Variants in CDON observed in about 807,000 individuals in gnomAD.
CDON encodes the protein cell adhesion molecule-related/down-regulated by oncogenes.
Under a neutral mutation model 120.9 loss-of-function variants are expected in CDON, and 73 were observed. The observed-to-expected ratio is 0.60, with a 90% CI of 0.50 to 0.73. The LOEUF (loss-of-function observed/expected upper bound fraction) is 0.73, where lower values mean the gene tolerates loss of function less well. Among genes scored for constraint, CDON ranks in the 30% least tolerant of loss-of-function variants. The probability of loss-of-function intolerance (pLI) is 0.00; values close to 1 mark genes in which losing one functional copy is unlikely to be tolerated. For missense variants in CDON, 1,470 were observed against 1,587.3 expected (o/e 0.93, Z 1.26); for synonymous variants, 566 against 573.5 (o/e 0.99, Z 0.19).
At chr11:126,039,263 A>C (rs1948188417) in intron 1 of CDON, among the ~76,000 whole-genome samples, 2 of 152,236 alleles carry the variant, frequency 1.3e-5, no homozygotes, top group South Asian at 4.1e-4. Context: ...TACTCAATGG[A>C]AACTATAGCA....
At position 125,978,370 on chromosome 11, in the gene CDON, T is replaced by A. The variant is rs1458978789; in HGVS notation, c.3290A>T (p.Tyr1097Phe). 4 of 1,605,154 alleles carry A rather than the reference T, an allele frequency of 2.5e-6. No individual in the cohort carries two copies. The highest frequency in any genetic ancestry group is 3.4e-6 in the Non-Finnish European group (4 of 1,173,920). Residue 1097 changes from tyrosine (Y) to phenylalanine (F), a missense_variant, in exon 18 of 20, where the codon TAC (tyrosine) becomes TTC (phenylalanine). Coordinates refer to ENST00000531738, the MANE Select transcript of CDON (RefSeq NM_001378964.1). ...PHHLVNGGGM[Y>F]TAVPQIDPLE... ...AGGGTCAATCTGAGGCACGGCCGTG[T>A]ACATTCCACCACCCTGGACAGGAAG...
At chr11:126,003,486 A>G (rs1446679680) in intron 10 of CDON, among the ~76,000 whole-genome samples, 1 of 152,218 alleles carries the variant, frequency 6.6e-6, no homozygotes, top group Non-Finnish European at 1.5e-5. Flanking sequence ...AGGCTATAAT[A>G]GGGTCGTTTA....
chr11:126,003,796 C>T (rs1464266454), intron 10 of CDON, 106 bp downstream of exon 10: 21 of 1,054,964 alleles, frequency 2.0e-5, no homozygotes, highest in Admixed American at 1.3e-4. Flanking sequence ...CTCCAGCCTG[C>T]GTGACAGAGC....
intron 10 of CDON, 38 bp from the exon 11 acceptor site, chr11:126,001,888 TA>T: frequency 6.8e-7 from 1 of 1,460,004 alleles, no homozygotes; most frequent in South Asian, 1.1e-5. Flanking sequence ...AACATAAGCA[TA>T]TATGTATGTA....
chr11:126,021,175 C>T, intron 3 of CDON, 73 bp downstream of exon 3: 1 of 1,501,396 alleles, frequency 6.7e-7, no homozygotes, highest in Non-Finnish European at 9.2e-7. Context: ...TGGTCTTTCC[C>T]CTCTTCAGAA....
chr11:125,974,138 C>T (rs1025872330), intron 18 of CDON, among the ~76,000 whole-genome samples: 2 of 151,520 alleles, frequency 1.3e-5, no homozygotes, highest in African/African-American at 2.4e-5. Flanking sequence ...TCAGGTGATC[C>T]GCCCGCCATA....
intron 1 of CDON, among the ~76,000 whole-genome samples, chr11:126,035,453 A>G (rs1388270429): frequency 1.3e-5 from 2 of 152,148 alleles, no homozygotes; most frequent in Admixed American, 6.5e-5. Context: ...AATGGAAGAA[A>G]TCTAGATTTC....
chr11:125,961,752 G>T lies in CDON; in HGVS notation c.3603C>A (p.Gly1201=), dbSNP rs763774382. Residue 1201 remains glycine (G), a synonymous_variant, in exon 19 of 20, where the codon GGC becomes GGA. Coordinates refer to ENST00000531738, the MANE Select transcript of CDON (RefSeq NM_001378964.1). ...TGCTGAACTCTGCTGGATCTTCTGAGCCATCAGAGCTGACGTCATTTACAA... is the reference window on the plus strand; with the variant it reads ...TGCTGAACTCTGCTGGATCTTCTGATCCATCAGAGCTGACGTCATTTACAA... ...QDIVNDVSSD[G]SEDPAEFSRG... is the part of the protein sequence containing the mutation. 1.2e-6 allele frequency: 2 copies of T among 1,614,026 alleles called. No homozygotes were observed. Among genetic ancestry groups the T allele is most frequent in the Non-Finnish European group, 1.7e-6 (2 of 1,179,896 alleles).
chr11:126,050,149 A>G (rs906430903), intron 1 of CDON, among the ~76,000 whole-genome samples: 3 of 151,838 alleles, frequency 2.0e-5, no homozygotes, highest in South Asian at 4.2e-4. Flanking sequence ...ATGCGCTTCA[A>G]TGTTTTCCAT....
At chr11:125,998,208 T>C (rs565955450) in intron 11 of CDON, among the ~76,000 whole-genome samples, 12 of 152,302 alleles carry the variant, frequency 7.9e-5, no homozygotes, top group Admixed American at 5.2e-4. Context: ...ATTGAAACCA[T>C]GTATCTAACT....
chr11:125,983,759 T>C, intron 16 of CDON, 113 bp downstream of exon 16: 1 of 799,220 alleles, frequency 1.3e-6, no homozygotes, highest in Non-Finnish European at 2.1e-6. Context: ...GTATCTAATG[T>C]GTTTCATACC....
At chr11:125,965,344 G>A (rs548346488) in intron 18 of CDON, among the ~76,000 whole-genome samples, 1 of 152,278 alleles carries the variant, frequency 6.6e-6, no homozygotes, top group East Asian at 1.9e-4. Flanking sequence ...GAGGAATTTT[G>A]TCTTAAATCT....
chr11:126,040,592 G>T (rs1016702833), intron 1 of CDON, among the ~76,000 whole-genome samples: 6 of 151,940 alleles, frequency 3.9e-5, no homozygotes, highest in African/African-American at 1.4e-4. Flanking sequence ...GAGGTGGGCG[G>T]ATCACAAGGT....
chr11:126,049,808 T>C (rs1455935112), intron 1 of CDON, among the ~76,000 whole-genome samples: 2 of 152,214 alleles, frequency 1.3e-5, no homozygotes, highest in Non-Finnish European at 2.9e-5. Flanking sequence ...AGGGGCACCA[T>C]GGAACAACAG....
Position 125,997,328 on chromosome 11 carries a change from C to T in CDON, c.2241G>A (p.Gly747=), listed in dbSNP as rs778433852. ...CTTTGAAGGCAGTGATTGGAGAACC[C>T]CCGTTTGCCCGAGGAATCCAAGTGA... ...VYVTWIPRAN[G]GSPITAFKVE... Residue 747 remains glycine, a synonymous_variant, in exon 12 of 20, where the codon GGG becomes GGA. Coordinates refer to ENST00000531738, the MANE Select transcript of CDON (RefSeq NM_001378964.1). The T allele has an allele frequency of 1.9e-6, 3 of 1,614,042 alleles. No homozygotes were observed. The Admixed American group carries it at 5.0e-5, about 27-fold the overall frequency.
chr11:125,989,570 T>C, intron 15 of CDON, 67 bp downstream of exon 15: 2 of 1,445,486 alleles, frequency 1.4e-6, no homozygotes, highest in Non-Finnish European at 1.9e-6. Flanking sequence ...AATATATCAG[T>C]AGTCAGAAGC....
chr11:125,957,900 A>AG lies in CDON; in HGVS notation c.*3041dup, dbSNP rs1370866183. ...GGAGATCGTGAAATGATACAGTGGGAGCGGGGCAGTTTATGCTAAAACAAT... is the reference window on the plus strand; with the variant it reads ...GGAGATCGTGAAATGATACAGTGGGAGGCGGGGCAGTTTATGCTAAAACAAT... On this transcript the variant is annotated 3_prime_UTR_variant, in exon 20 of 20. Coordinates refer to ENST00000531738, the MANE Select transcript of CDON (RefSeq NM_001378964.1). 2.0e-5 allele frequency: 3 copies of AG among 152,246 alleles called. No individual in the cohort carries two copies. Among genetic ancestry groups the AG allele is most frequent in the African/African-American group, 7.2e-5 (3 of 41,450 alleles). The allele number at this position is 152,246 out of a possible 1,614,324, so 9.4% of individuals were successfully genotyped here. A position where few individuals can be genotyped will look rare whatever the true frequency, so the allele number is the denominator to read the frequency against.
At position 125,975,415 on chromosome 11, in the gene CDON, A is replaced by G. The variant is rs372267745; in HGVS notation, c.3356+2889T>C. Among the ~76,000 whole-genome samples the G allele has an allele frequency of 1.1e-4, 16 of 144,672 alleles. No homozygotes were observed. In the South Asian group the frequency reaches 3.3e-3, roughly 30 times the overall value. The allele number at this position is 144,672 out of a possible 152,430, so 94.9% of individuals were successfully genotyped here. ...TTAAATAAACTTGCTTATTTAATAA[A>G]TAATATTTAATAGGACTATTATTAA... On this transcript the variant is annotated intron_variant, in intron 18 of 19. Coordinates refer to ENST00000531738, the MANE Select transcript of CDON (RefSeq NM_001378964.1).
At chr11:125,980,942 A>C in intron 17 of CDON, 107 bp downstream of exon 17, 1 of 1,137,158 alleles carries the variant, frequency 8.8e-7, no homozygotes. Context: ...CCATTCGAGG[A>C]AACTTGTGAG....
Sources: allele counts gnomAD v4.1 joint callset (sites outside exome capture counted in the v4.1 genomes callset), GRCh38; gene constraint gnomAD v4.1.1; transcripts MANE v1.5; gene names NCBI Gene and HGNC (gene_info 2026-07-23, HGNC 2026-07-21).